PAPPA: variants seen among roughly 807,000 people sequenced by gnomAD.
The protein encoded by PAPPA is pappalysin-1.
Under a neutral mutation model 164.0 loss-of-function variants are expected in PAPPA, and 60 were observed. The observed-to-expected ratio is 0.37, with a 90% CI of 0.30 to 0.45. The LOEUF is 0.45. Ranked by LOEUF, PAPPA falls within the 20% of genes least tolerant of loss-of-function variation. The pLI, the probability that PAPPA is intolerant of heterozygous loss-of-function variation, is 1.00. For missense variants in PAPPA, 1,782 were observed against 2,087.3 expected, an observed-to-expected ratio of 0.85 and a Z score of 2.85; for synonymous variants, 875 against 814.1, an observed-to-expected ratio of 1.07 and a Z score of -1.27.
At chr9:116,183,922 G>A (rs2118619715) in intron 1 of PAPPA, among the ~76,000 whole-genome samples, 1 of 152,262 alleles carries the variant, frequency 6.6e-6, no homozygotes, top group East Asian at 1.9e-4. Context: ...CCCTACAGAT[G>A]TGTAAACATT....
chr9:116,368,033 AG>A (rs1205820066), intron 19 of PAPPA, among the ~76,000 whole-genome samples: 1 of 152,160 alleles, frequency 6.6e-6, no homozygotes, highest in African/African-American at 2.4e-5. Flanking sequence ...TGCTGATGTC[AG>A]CCTAGGAATA....
At chr9:116,173,436 G>A (rs1157099378) in intron 1 of PAPPA, among the ~76,000 whole-genome samples, 1 of 152,138 alleles carries the variant, frequency 6.6e-6, no homozygotes, top group Non-Finnish European at 1.5e-5. Flanking sequence ...TCAAAAGGAA[G>A]ACCATATAAT....
Position 116,235,452 on chromosome 9 carries a change from G to A in PAPPA, c.2547G>A (p.Glu849=), listed in dbSNP as rs1737614638. 1.2e-6 allele frequency: 2 copies of A among 1,613,122 alleles called. No individual in the cohort carries two copies. Among genetic ancestry groups the A allele is most frequent in the East Asian group, 2.2e-5 (1 of 44,782 alleles). ...TCAGACTCTGGGACGTGGGCGAGGA[G>A]GTGTATGGCATCCAAATCTACACGC... ...LTIRLWDVGE[E]VYGIQIYTLD... The change falls in exon 7 of 22, where the codon GAG becomes GAA. Residue 849 remains glutamate (E), a synonymous_variant. Coordinates refer to ENST00000328252, the MANE Select transcript of PAPPA (RefSeq NM_002581.5).
At chr9:116,303,615 G>A (rs1845608062) in intron 10 of PAPPA, among the ~76,000 whole-genome samples, 1 of 152,142 alleles carries the variant, frequency 6.6e-6, no homozygotes, top group South Asian at 2.1e-4. Context: ...TCCTACCAAG[G>A]AAGCACCTGC....
chr9:116,190,231 T>G lies in PAPPA; in HGVS notation c.1478+2015T>G, dbSNP rs149036669. ...CTATGATCAGTGTGCTCCACCAAAC[T>G]AGACTCCCAAGAGGTACCTCTGTGC... On this transcript the variant is annotated intron_variant, in intron 2 of 21. Coordinates refer to ENST00000328252, the MANE Select transcript of PAPPA (RefSeq NM_002581.5). Among the ~76,000 whole-genome samples the G allele has an allele frequency of 7.2e-5, 11 of 152,270 alleles. No individual in the cohort carries two copies. The East Asian group carries it at 2.1e-3, about 29-fold the overall frequency.
chr9:116,227,768 T>C (rs915746790), intron 6 of PAPPA, among the ~76,000 whole-genome samples: 5 of 152,158 alleles, frequency 3.3e-5, no homozygotes, highest in African/African-American at 1.2e-4. Context: ...ATATTACAAA[T>C]GAGGAAACAA....
rs751435846 is a variant in PAPPA, at chr9:116,353,743, C to T, written c.4297C>T (p.Gln1433Ter). ...HGLYQCTNGF[Q>*]FNSECRIKCE... ...GCTCTACCAGTGTACTAATGGCTTC[C>T]AGTTCAACAGTGAGTGTAGGATCAA... The change falls in exon 17 of 22, where the codon CAG (glutamine) becomes TAG (stop). Residue 1433 changes from glutamine (Q) to a stop codon, truncating the protein, a stop_gained. Coordinates refer to ENST00000328252, the MANE Select transcript of PAPPA (RefSeq NM_002581.5). LOFTEE classifies it high-confidence loss of function. 6.2e-7 allele frequency: 1 copy of T among 1,614,110 alleles called. No homozygotes were observed. Among genetic ancestry groups the T allele is most frequent in the Non-Finnish European group, 8.5e-7 (1 of 1,179,976 alleles).
intron 2 of PAPPA, among the ~76,000 whole-genome samples, chr9:116,200,435 C>T (rs1844159321): frequency 1.3e-5 from 2 of 152,138 alleles, no homozygotes; most frequent in African/African-American, 4.8e-5. Context: ...TTGTGTCCCC[C>T]CTCTGACACT....
intron 1 of PAPPA, among the ~76,000 whole-genome samples, chr9:116,175,257 C>G (rs892628506): frequency 6.6e-6 from 1 of 152,092 alleles, no homozygotes; most frequent in African/African-American, 2.4e-5. Context: ...CCAAGAGGAG[C>G]GTTTGAAAAC....
chr9:116,329,430 G>A (rs1255987726), intron 10 of PAPPA, among the ~76,000 whole-genome samples: 2 of 151,984 alleles, frequency 1.3e-5, no homozygotes, highest in African/African-American at 4.8e-5. Flanking sequence ...ACCTGAAATT[G>A]ACAACTATAC....
In PAPPA at chr9:116,154,525, C is replaced by G; in HGVS notation, c.353C>G (p.Ala118Gly). The G allele has an allele frequency of 1.4e-6, 2 of 1,401,942 alleles. No homozygotes were observed. The highest frequency in any genetic ancestry group is 1.9e-6 in the Non-Finnish European group (2 of 1,075,812). The allele number at this position is 1,401,942 out of a possible 1,614,324, so 86.8% of individuals were successfully genotyped here. The change falls in exon 1 of 22, where the codon GCG (alanine) becomes GGG (glycine). Residue 118 changes from alanine (A) to glycine (G), a missense_variant. Ala to Gly is a moderately conservative substitution (Grantham distance 60). This residue lies in a region of PAPPA where 458 missense variants were observed against 430.3 expected (regional missense o/e 1.06). Coordinates refer to ENST00000328252, the MANE Select transcript of PAPPA (RefSeq NM_002581.5). The surrounding 1 kb of genome is among the most constrained non-coding windows in gnomAD (Gnocchi z 5.2). The part of the protein sequence containing the change: ...LRADLELPRD[A>G]FTLQVWLRAE... The stretch of plus-strand genomic sequence containing the variant: ...GCCGACCTCGAGCTGCCCCGGGACG[C>G]GTTCACGCTGCAAGTGTGGCTGCGA...
intron 2 of PAPPA, among the ~76,000 whole-genome samples, chr9:116,188,564 T>A (rs1844006788): frequency 6.6e-6 from 1 of 152,326 alleles, no homozygotes; most frequent in East Asian, 1.9e-4. Context: ...AATATGGTAG[T>A]TCCTAGCAAC....
chr9:116,402,149 T>C lies in PAPPA; in HGVS notation c.*5533T>C. The C allele has an allele frequency of 6.6e-6, 1 of 152,612 alleles. No homozygotes were observed. The allele number at this position is 152,612 out of a possible 1,614,324, so 9.5% of individuals were successfully genotyped here. A position where few individuals can be genotyped will look rare whatever the true frequency, so the allele number is the denominator to read the frequency against. ...ATACTCAGACATATTTTGCTGTTCA[T>C]GATATTTTTATCCTGTTCTCATGGA... On this transcript the variant is annotated 3_prime_UTR_variant, in exon 22 of 22. Coordinates refer to ENST00000328252, the MANE Select transcript of PAPPA (RefSeq NM_002581.5).
chr9:116,201,073 C>G (rs1269175749), intron 2 of PAPPA, among the ~76,000 whole-genome samples: 1 of 152,064 alleles, frequency 6.6e-6, no homozygotes, highest in East Asian at 1.9e-4. Flanking sequence ...TTTTTATAGA[C>G]TGGAGAGGCA....
At position 116,187,296 on chromosome 9, in the gene PAPPA, T is replaced by C. The variant is rs752225198; in HGVS notation, c.558T>C (p.Asn186=). Residue 186 remains asparagine (N), a synonymous_variant, in exon 2 of 22, where the codon AAT becomes AAC. Transcript: ENST00000328252. The surrounding 1 kb of genome is among the most constrained non-coding windows in gnomAD (Gnocchi z 4.2). ...GAGCCCGGCAAGTGACCACCATCAA[T>C]GCCCACCGCAGCTACCTCCCAGGCC... ...TDRARQVTTI[N]AHRSYLPGQW... is the part of the protein sequence containing the mutation. 1 of 1,614,146 alleles carries C rather than the reference T, an allele frequency of 6.2e-7. No homozygotes were observed. Among genetic ancestry groups the C allele is most frequent in the Non-Finnish European group, 8.5e-7 (1 of 1,180,038 alleles).
intron 6 of PAPPA, among the ~76,000 whole-genome samples, chr9:116,231,778 TGAGA>T (rs1564192743): frequency 4.4e-4 from 63 of 144,140 alleles, no homozygotes; most frequent in East Asian, 1.2e-3. Context: ...TTTTTTTTTT[TGAGA>T]TGGAGTTTCA....
intron 1 of PAPPA, among the ~76,000 whole-genome samples, chr9:116,166,179 G>A (rs1333385299): frequency 1.3e-5 from 2 of 152,120 alleles, no homozygotes; most frequent in Non-Finnish European, 2.9e-5. Flanking sequence ...ATTTACCCCT[G>A]AGCAAAGAAG....
chr9:116,219,725 C>T (rs1844418912), intron 4 of PAPPA, among the ~76,000 whole-genome samples: 1 of 152,176 alleles, frequency 6.6e-6, no homozygotes, highest in East Asian at 1.9e-4. Context: ...ACCCTTCCCT[C>T]CCTCCTGTTT....
At chr9:116,226,930 C>G (rs1257854462) in intron 5 of PAPPA, among the ~76,000 whole-genome samples, 1 of 152,226 alleles carries the variant, frequency 6.6e-6, no homozygotes, top group African/African-American at 2.4e-5. Flanking sequence ...GTTCTTTAGG[C>G]ATCATTTAAT....
Sources: allele counts gnomAD v4.1 joint callset (sites outside exome capture counted in the v4.1 genomes callset), GRCh38; gene constraint gnomAD v4.1.1; regional missense constraint gnomAD v4.1.1; non-coding constraint Gnocchi (gnomAD v3.1); transcripts MANE v1.5; gene names NCBI Gene and HGNC (gene_info 2026-07-23, HGNC 2026-07-21).